The following IL1RAPL2 variants were observed in gnomAD, a reference collection of about 807,000 sequenced individuals.
IL1RAPL2 encodes interleukin 1 receptor accessory protein like 2.
In IL1RAPL2, 3 loss-of-function variants were observed where a neutral mutation model predicts 44.1. The observed-to-expected ratio is 0.07, with a 90% CI of 0.03 to 0.18. IL1RAPL2 has a LOEUF of 0.18. Among genes scored for constraint, IL1RAPL2 ranks in the 10% least tolerant of loss-of-function variants. The pLI is 1.00. For missense variants in IL1RAPL2, 391 were observed against 496.4 expected (o/e 0.79, Z 2.02); for synonymous variants, 181 against 178.8 (o/e 1.01, Z -0.10).
chrX:105,223,865 G>A (rs1436335572), intron 3 of IL1RAPL2, among the ~76,000 whole-genome samples: 11 of 111,869 alleles, frequency 9.8e-5, no homozygotes, highest in East Asian at 2.8e-4. Context: ...GCCTCAAATC[G>A]TAATAGATAT....
intron 5 of IL1RAPL2, among the ~76,000 whole-genome samples, chrX:105,438,927 G>A (rs2035900008): frequency 9.0e-6 from 1 of 110,684 alleles, no homozygotes. Context: ...GGGACCTGGT[G>A]GAAGGTTATT....
At chrX:105,065,105 T>C (rs753485971) in intron 2 of IL1RAPL2, among the ~76,000 whole-genome samples, 3 of 112,341 alleles carry the variant, frequency 2.7e-5, no homozygotes, top group Non-Finnish European at 5.6e-5. Flanking sequence ...TCAAATATAA[T>C]AGTTGCATTT....
chrX:105,587,415 C>G (rs1021317825), intron 6 of IL1RAPL2, among the ~76,000 whole-genome samples: 1 of 110,772 alleles, frequency 9.0e-6, no homozygotes, highest in African/African-American at 3.3e-5. Flanking sequence ...TTTCTTTGAG[C>G]CTTTTATTTG....
intron 2 of IL1RAPL2, among the ~76,000 whole-genome samples, chrX:105,076,150 G>A (rs2147542910): frequency 9.0e-6 from 1 of 111,255 alleles, no homozygotes; most frequent in Admixed American, 9.6e-5. Flanking sequence ...GTCAGTTTTA[G>A]ATCTTTCCTC....
At chrX:105,112,410 C>T (rs192255626) in intron 2 of IL1RAPL2, among the ~76,000 whole-genome samples, 5 of 112,201 alleles carry the variant, frequency 4.5e-5, no homozygotes, top group Admixed American at 3.8e-4. Flanking sequence ...AGATATTTAA[C>T]TCAATTTTGA....
chrX:105,111,394 A>C (rs2032800508), intron 2 of IL1RAPL2, among the ~76,000 whole-genome samples: 1 of 111,544 alleles, frequency 9.0e-6, no homozygotes, highest in Non-Finnish European at 1.9e-5. Flanking sequence ...CTTTTCCCCA[A>C]GTAAATTGAT....
At chrX:105,686,014 G>A (rs996835247) in intron 6 of IL1RAPL2, among the ~76,000 whole-genome samples, 1 of 111,433 alleles carries the variant, frequency 9.0e-6, no homozygotes, top group African/African-American at 3.3e-5. Context: ...GAGAGATTTT[G>A]TCACCACCAG....
At chrX:105,302,510 A>G (rs750969213) in intron 5 of IL1RAPL2, among the ~76,000 whole-genome samples, 1 of 111,969 alleles carries the variant, frequency 8.9e-6, no homozygotes, top group Non-Finnish European at 1.9e-5. Flanking sequence ...TGATTCTTTC[A>G]TGGTGCACAG....
intron 2 of IL1RAPL2, among the ~76,000 whole-genome samples, chrX:105,031,735 G>C (rs958150534): frequency 1.8e-5 from 2 of 111,733 alleles, no homozygotes; most frequent in African/African-American, 6.5e-5. Flanking sequence ...CCAGGCTTTG[G>C]TATCAGGATG....
chrX:105,315,627 G>T (rs1315600435), intron 5 of IL1RAPL2, among the ~76,000 whole-genome samples: 1 of 38,269 alleles, frequency 2.6e-5, no homozygotes, highest in Non-Finnish European at 7.1e-5. Flanking sequence ...TAACTTACAA[G>T]ATCACAAGGT....
intron 1 of IL1RAPL2, chrX:104,647,642 G>A: frequency 1.8e-6 from 1 of 542,229 alleles, no homozygotes; most frequent in South Asian, 2.3e-5. Flanking sequence ...AGTGATGGAT[G>A]GCAGCACACG....
At chrX:104,659,075 C>T in intron 2 of IL1RAPL2, 80 bp downstream of exon 2, 1 of 614,159 alleles carries the variant, frequency 1.6e-6, no homozygotes, top group Non-Finnish European at 2.7e-6. Flanking sequence ...GTGCCTTTAA[C>T]TATGAATGTC....
At chrX:104,680,003 A>T (rs1212759692) in intron 2 of IL1RAPL2, among the ~76,000 whole-genome samples, 1 of 111,367 alleles carries the variant, frequency 9.0e-6, no homozygotes, top group Non-Finnish European at 1.9e-5. Flanking sequence ...GGGGTAGAAA[A>T]TTTCATAGTT....
At chrX:104,811,840 G>A (rs1205253242) in intron 2 of IL1RAPL2, among the ~76,000 whole-genome samples, 1 of 110,880 alleles carries the variant, frequency 9.0e-6, no homozygotes, top group Non-Finnish European at 1.9e-5. Flanking sequence ...TTTGAATGAA[G>A]AGCAGACAGG....
intron 5 of IL1RAPL2, among the ~76,000 whole-genome samples, chrX:105,434,801 A>G (rs987657592): frequency 9.0e-6 from 1 of 111,505 alleles, no homozygotes; most frequent in African/African-American, 3.3e-5. Flanking sequence ...CTATGTCCTG[A>G]ATGGTATTGC....
chrX:104,918,175 AT>A (rs1304411202), intron 2 of IL1RAPL2, among the ~76,000 whole-genome samples: 1 of 112,064 alleles, frequency 8.9e-6, no homozygotes, highest in East Asian at 2.8e-4. Context: ...AACTCTGTCA[AT>A]ATTTTACCTT....
rs767132411 is a variant in IL1RAPL2, at chrX:105,548,025, G to A, written c.772+63638G>A. On this transcript the variant is annotated intron_variant, in intron 6 of 10. Transcript: ENST00000372582. ...CCTTCTAAATTAGCCTATTTTATCA[G>A]AGTTCAACTCTGGCTTCTGGTAACT... Among the ~76,000 whole-genome samples, 6 of 111,804 alleles carry A rather than the reference G, an allele frequency of 5.4e-5. No individual in the cohort carries two copies. The South Asian group carries it at 1.9e-3, about 35-fold the overall frequency.
intron 1 of IL1RAPL2, among the ~76,000 whole-genome samples, chrX:104,589,094 G>A (rs1463512349): frequency 9.0e-6 from 1 of 111,428 alleles, no homozygotes; most frequent in Non-Finnish European, 1.9e-5. Flanking sequence ...AGACTTTGGC[G>A]ATGACCTTGA....
intron 2 of IL1RAPL2, among the ~76,000 whole-genome samples, chrX:104,932,082 C>T (rs1356961533): frequency 1.9e-5 from 2 of 105,885 alleles, no homozygotes; most frequent in East Asian, 5.9e-4. Context: ...ACCCCTGCCT[C>T]CCAGGTTCAA....
Sources: allele counts gnomAD v4.1 joint callset (sites outside exome capture counted in the v4.1 genomes callset), GRCh38; gene constraint gnomAD v4.1.1; transcripts MANE v1.5; gene names NCBI Gene and HGNC (gene_info 2026-07-23, HGNC 2026-07-21).